TMEM270: variants seen among roughly 807,000 people sequenced by gnomAD.
TMEM270 encodes transmembrane protein 270, also known as Williams-Beuren syndrome chromosome region 28.
Under a neutral mutation model 29.9 loss-of-function variants are expected in TMEM270, and 30 were observed. The observed-to-expected ratio is 1.00, with a 90% confidence interval of 0.75 to 1.36. TMEM270 has a LOEUF of 1.36. Ranked by LOEUF, TMEM270 falls within the 40% of genes most tolerant of loss-of-function variation. The pLI is 0.00. For synonymous variants in TMEM270, 135 were observed against 139.8 expected, an observed-to-expected ratio of 0.97 and a Z score of 0.24; for missense variants, 313 against 307.1, an observed-to-expected ratio of 1.02 and a Z score of -0.14.
chr7:73,865,216 G>A lies in TMEM270; in HGVS notation c.296G>A (p.Trp99Ter). ...GTGCTACAGGGACCCAGGCTGATGTGGGCTGGCATGTGGGGCAGCACCAAG... is the reference window on the plus strand; with the variant it reads ...GTGCTACAGGGACCCAGGCTGATGTAGGCTGGCATGTGGGGCAGCACCAAG... Reference protein sequence around the residue: ...WLVLQGPRLMWAGMWGSTKGL... With the variant: ...WLVLQGPRLM Residue 99 changes from tryptophan to a stop codon, truncating the protein, a stop_gained, in exon 2 of 3, where the codon TGG becomes TAG. Transcript: ENST00000320531. LOFTEE classifies it high-confidence loss of function. 1 of 1,613,792 alleles carries A rather than the reference G, an allele frequency of 6.2e-7. No homozygotes were observed. Among genetic ancestry groups the A allele is most frequent in the Non-Finnish European group, 8.5e-7 (1 of 1,180,014 alleles).
chr7:73,861,345 C>T (rs111585725), intron 1 of TMEM270, 79 bp downstream of exon 1: 78 of 1,374,426 alleles, frequency 5.7e-5, no homozygotes, highest in Non-Finnish European at 7.2e-5. Flanking sequence ...CTGCCGGGCC[C>T]AAGCCCTGCC....
chr7:73,862,533 C>T (rs369590357), intron 1 of TMEM270, among the ~76,000 whole-genome samples: 36 of 151,830 alleles, frequency 2.4e-4, no homozygotes, highest in African/African-American at 8.7e-4. Context: ...GATCATATAA[C>T]AGGGGGCAGT....
chr7:73,864,568 T>A (rs1788856707), intron 1 of TMEM270, among the ~76,000 whole-genome samples: 1 of 152,028 alleles, frequency 6.6e-6, no homozygotes, highest in Admixed American at 6.6e-5. Flanking sequence ...GAGATGGGGA[T>A]CTGACTCAAG....
chr7:73,861,171 T>C lies in TMEM270; in HGVS notation c.-24T>C, dbSNP rs11770024. ...GTGAGGTCACCCTGCTTCTCCCAGC[T>C]GGAGTAGGTGGGGGAGGCCAGACAT... On this transcript the variant is annotated 5_prime_UTR_variant, in exon 1 of 3. Coordinates refer to ENST00000320531, the MANE Select transcript of TMEM270 (RefSeq NM_182504.4). 1,153,378 of 1,612,018 alleles carry C rather than the reference T, an allele frequency of 0.72. 418,481 individuals are homozygous for C. Among genetic ancestry groups the C allele is most frequent in the Non-Finnish European group, 0.76 (892,391 of 1,178,572 alleles).
At chr7:73,864,628 C>A (rs1278398007) in intron 1 of TMEM270, among the ~76,000 whole-genome samples, 1 of 150,876 alleles carries the variant, frequency 6.6e-6, no homozygotes, top group Admixed American at 6.6e-5. Context: ...CCTGGCCAGG[C>A]GCAGTGGCTC....
chr7:73,864,114 CAAAAAAAAAAAA>C, intron 1 of TMEM270, among the ~76,000 whole-genome samples: 1 of 81,010 alleles, frequency 1.2e-5, no homozygotes, highest in South Asian at 4.8e-4. Flanking sequence ...CCCGCCTCTA[CAAAAAAAAAAAA>C]AAAAAAAAAA....
Position 73,864,979 on chromosome 7 carries a change from CTCT to C in TMEM270, c.73-7_73-5del, listed in dbSNP as rs879997752. ...GATGATGGCTGACGGTTGTCTCTCT[CTCT>C]TCTTCTGCAGTTGGTTCAGAACCGA... On this transcript the variant is annotated splice_polypyrimidine_tract_variant and intron_variant, in intron 1 of 2. Coordinates refer to ENST00000320531, the MANE Select transcript of TMEM270 (RefSeq NM_182504.4). 1 of 1,470,942 alleles carries C rather than the reference CTCT, an allele frequency of 6.8e-7. No homozygotes were observed. Among genetic ancestry groups the C allele is most frequent in the Non-Finnish European group, 9.0e-7 (1 of 1,108,198 alleles). The allele number at this position is 1,470,942 out of a possible 1,614,324, so 91.1% of individuals were successfully genotyped here. A position where few individuals can be genotyped will look rare whatever the true frequency, so the allele number is the denominator to read the frequency against.
rs782301312 is a variant in TMEM270 at position 73,865,310 on chromosome 7, G to GT, written c.395dup (p.Leu132PhefsTer36). ...TGTCTGTGGCCATCTGGACAGATCT[G>GT]TTTTTGTCATGTCTGCACGGCCTGA... On this transcript the variant is annotated frameshift_variant, in exon 2 of 3. Coordinates refer to ENST00000320531, the MANE Select transcript of TMEM270 (RefSeq NM_182504.4). LOFTEE classifies it high-confidence loss of function. 2.2e-5 allele frequency: 35 copies of GT among 1,613,380 alleles called. No individual in the cohort carries two copies. The highest frequency in any genetic ancestry group is 2.9e-5 in the Non-Finnish European group (34 of 1,180,000).
intron 1 of TMEM270, 108 bp downstream of exon 1, chr7:73,861,374 G>A (rs1187262484): frequency 1.3e-5 from 13 of 1,038,190 alleles, no homozygotes; most frequent in Admixed American, 6.6e-5. Context: ...CCAGTGGAAC[G>A]AGGTGGCTGC....
At chr7:73,861,580 C>T (rs782306679) in intron 1 of TMEM270, 10 of 508,564 alleles carry the variant, frequency 2.0e-5, no homozygotes, top group Non-Finnish European at 3.8e-5. Flanking sequence ...CTCCAAGTAG[C>T]CGGGACTATA....
intron 1 of TMEM270, among the ~76,000 whole-genome samples, chr7:73,862,793 G>A (rs774873296): frequency 2.0e-5 from 3 of 149,754 alleles, no homozygotes; most frequent in Non-Finnish European, 4.4e-5. Flanking sequence ...CTGGGAGGCG[G>A]AGGTTGCGGT....
intron 1 of TMEM270, among the ~76,000 whole-genome samples, chr7:73,861,965 A>ATT (rs782611152): frequency 8.7e-5 from 12 of 137,680 alleles, no homozygotes; most frequent in Non-Finnish European, 1.4e-4. Context: ...TCCCTGGCTA[A>ATT]TTTTTTTTTT....
intron 1 of TMEM270, among the ~76,000 whole-genome samples, chr7:73,864,595 ACCTCTAC>A (rs1788857327): frequency 1.3e-5 from 2 of 151,890 alleles, no homozygotes; most frequent in African/African-American, 4.8e-5. Flanking sequence ...CAGCAGCTTC[ACCTCTAC>A]AGTAAAAGTG....
At chr7:73,864,969 T>C (rs1563665652) in intron 1 of TMEM270, 24 bp from the exon 2 acceptor site, 1 of 1,451,748 alleles carries the variant, frequency 6.9e-7, no homozygotes, top group African/African-American at 1.4e-5. Context: ...TGGCTGACGG[T>C]TGTCTCTCTC....
In TMEM270 at chr7:73,865,826, T is replaced by C. The variant is rs368802288; in HGVS notation, c.751T>C (p.Ser251Pro). ...LLPSLSASSD[S>P]ESGTVLPEQE... is the part of the protein sequence containing the mutation. ...GCCCTCACTGTCTGCGTCCTCGGACTCAGAGTCTGGAACAGTTTTGCCAGA... is the reference window on the plus strand; with the variant it reads ...GCCCTCACTGTCTGCGTCCTCGGACCCAGAGTCTGGAACAGTTTTGCCAGA... Residue 251 changes from serine (S) to proline (P), a missense_variant, in exon 3 of 3, where the codon TCA becomes CCA. Ser to Pro is a moderately conservative substitution (Grantham distance 74). Transcript: ENST00000320531. 6.2e-7 allele frequency: 1 copy of C among 1,613,414 alleles called. No individual in the cohort carries two copies. Among genetic ancestry groups the C allele is most frequent in the African/African-American group, 1.3e-5 (1 of 74,934 alleles).
At position 73,865,503 on chromosome 7, in the gene TMEM270, G is replaced by T. The variant is rs531081949; in HGVS notation, c.502-74G>T. ...TGGTCAGGGCTGGCTGGGCTTGCAG[G>T]GGGGAGCCACAGCCAAGCAGTGTAA... On this transcript the variant is annotated intron_variant, in intron 2 of 2. Transcript: ENST00000320531. The T allele has an allele frequency of 6.3e-6, 10 of 1,579,524 alleles. No individual in the cohort carries two copies. In the African/African-American group the frequency reaches 6.7e-5, roughly 11 times the overall value.
chr7:73,865,751 G>A lies in TMEM270; in HGVS notation c.676G>A (p.Ala226Thr), dbSNP rs781977974. Reference sequence around the variant, plus strand: ...TGCCTTTGAGCACACGACCCAGCTGGCCGAGGCCCAGGAGGTTGAACCCCA... The same window carrying A: ...TGCCTTTGAGCACACGACCCAGCTGACCGAGGCCCAGGAGGTTGAACCCCA... ...QAAFEHTTQLAEAQEVEPQEV... is the reference protein window; with the variant it reads ...QAAFEHTTQLTEAQEVEPQEV... The change falls in exon 3 of 3, where the codon GCC becomes ACC. Residue 226 changes from alanine to threonine, a missense_variant. Ala to Thr is a moderately conservative substitution (Grantham distance 58, BLOSUM62 0). Transcript: ENST00000320531. 6.2e-7 allele frequency: 1 copy of A among 1,614,104 alleles called. No homozygotes were observed. Among genetic ancestry groups the A allele is most frequent in the South Asian group, 1.1e-5 (1 of 91,076 alleles).
In TMEM270 at chr7:73,865,740, C is replaced by T. The variant is rs782394329; in HGVS notation, c.665C>T (p.Thr222Met). The part of the protein sequence containing the change: ...SHLLQAAFEH[T>M]TQLAEAQEVE... ...CTGCTGCAGGCTGCCTTTGAGCACA[C>T]GACCCAGCTGGCCGAGGCCCAGGAG... The change falls in exon 3 of 3, where the codon ACG becomes ATG. Residue 222 changes from threonine to methionine, a missense_variant. By Grantham distance (81) the Thr-to-Met change is moderately conservative (BLOSUM62 -1). Transcript: ENST00000320531. 40 of 1,614,022 alleles carry T rather than the reference C, an allele frequency of 2.5e-5. No homozygotes were observed. The highest frequency in any genetic ancestry group is 3.1e-5 in the Non-Finnish European group (36 of 1,180,032).
chr7:73,865,237 C>T lies in TMEM270; in HGVS notation c.317C>T (p.Thr106Ile), dbSNP rs1554639787. Residue 106 changes from threonine (T) to isoleucine (I), a missense_variant, in exon 2 of 3, where the codon ACC becomes ATC. By Grantham distance (89) the Thr-to-Ile change is moderately conservative. Transcript: ENST00000320531. ...ATGTGGGCTGGCATGTGGGGCAGCA[C>T]CAAGGGCCTGGGCCTGGCCTTGCTC... is the stretch of plus-strand genomic sequence containing the variant. Reference protein sequence around the residue: ...RLMWAGMWGSTKGLGLALLSA... With the variant: ...RLMWAGMWGSIKGLGLALLSA... 3 of 1,613,592 alleles carry T rather than the reference C, an allele frequency of 1.9e-6. No homozygotes were observed. The highest frequency in any genetic ancestry group is 2.5e-6 in the Non-Finnish European group (3 of 1,180,034).
Sources: gnomAD v4.1 joint callset for allele counts (sites outside exome capture counted in the v4.1 genomes callset) on GRCh38, gnomAD v4.1.1 for gene constraint, MANE v1.5 for transcripts, NCBI Gene and HGNC (gene_info 2026-07-23, HGNC 2026-07-21) for gene names.